Variants in LPP observed in about 807,000 individuals in gnomAD.
LPP encodes the protein lipoma-preferred partner.
Under a neutral mutation model 60.4 loss-of-function variants are expected in LPP, and 38 were observed. The ratio of observed to expected loss-of-function variants is 0.63; its 90% CI spans 0.49 to 0.83. LPP has a LOEUF of 0.83. LPP is among the 40% of genes least tolerant of loss of function. The pLI is 0.00. For synonymous variants in LPP, 328 were observed against 290.8 expected (o/e 1.13, Z -1.30); for missense variants, 902 against 783.6 (o/e 1.15, Z -1.80).
chr3:188,730,406 A>G (rs2150024536), intron 8 of LPP, among the ~76,000 whole-genome samples: 1 of 152,296 alleles, frequency 6.6e-6, no homozygotes, highest in Middle Eastern at 3.4e-3. Flanking sequence ...TCCTTTTTGT[A>G]CCACGTATTT....
intron 2 of LPP, among the ~76,000 whole-genome samples, chr3:188,250,806 TTCTC>T (rs373261792): frequency 7.2e-6 from 1 of 138,356 alleles, no homozygotes; most frequent in Non-Finnish European, 1.6e-5. Context: ...CTTTCTTTCT[TTCTC>T]TTTCTTTCTT....
At chr3:188,637,111 A>G (rs935057619) in intron 7 of LPP, among the ~76,000 whole-genome samples, 2 of 150,858 alleles carry the variant, frequency 1.3e-5, no homozygotes, top group Non-Finnish European at 2.9e-5. Flanking sequence ...ACATACTTGG[A>G]AGTAAAGTTC....
chr3:188,401,476 A>G (rs1782231379), intron 3 of LPP, among the ~76,000 whole-genome samples: 1 of 152,142 alleles, frequency 6.6e-6, no homozygotes. Context: ...ACCTCTGCCA[A>G]GCTTATGCTA....
intron 3 of LPP, among the ~76,000 whole-genome samples, chr3:188,375,229 G>A (rs1219774830): frequency 1.4e-5 from 2 of 146,648 alleles, no homozygotes; most frequent in Non-Finnish European, 3.1e-5. Flanking sequence ...CATAAAATGA[G>A]TTAGGGAGGA....
At chr3:188,383,843 A>T (rs1777510594) in intron 3 of LPP, among the ~76,000 whole-genome samples, 1 of 152,200 alleles carries the variant, frequency 6.6e-6, no homozygotes, top group Non-Finnish European at 1.5e-5. Flanking sequence ...CTAGATTTAT[A>T]CTTAAGACAG....
chr3:188,512,413 G>A (rs564710677), intron 5 of LPP, among the ~76,000 whole-genome samples: 6 of 152,164 alleles, frequency 3.9e-5, no homozygotes, highest in Non-Finnish European at 5.9e-5. Context: ...TTAGCCAGGC[G>A]TGTTGGCACG....
Position 188,591,140 on chromosome 3 carries a change from T to C in LPP, c.430-18021T>C, listed in dbSNP as rs975816013. Among the ~76,000 whole-genome samples the C allele has an allele frequency of 2.6e-5, 4 of 152,226 alleles. No homozygotes were observed. The East Asian group carries it at 7.7e-4, about 29-fold the overall frequency. On this transcript the variant is annotated intron_variant, in intron 6 of 11. Transcript: ENST00000617246. ...AATTTTGGTCTGAGGAAAAATTATT[T>C]AGGTCACTTGGACACTTATGTTGTG... is the stretch of plus-strand genomic sequence containing the variant.
At chr3:188,455,346 G>T (rs191999009) in intron 4 of LPP, among the ~76,000 whole-genome samples, 9 of 152,260 alleles carry the variant, frequency 5.9e-5, no homozygotes, top group African/African-American at 1.9e-4. Flanking sequence ...TTATTAAAAG[G>T]TTCATGTAAA....
At chr3:188,679,100 G>C (rs1858822327) in intron 7 of LPP, among the ~76,000 whole-genome samples, 1 of 152,164 alleles carries the variant, frequency 6.6e-6, no homozygotes, top group Non-Finnish European at 1.5e-5. Flanking sequence ...AGCAGTGCTG[G>C]GCAGAGGAAG....
Position 188,183,037 on chromosome 3 carries a change from A to G in LPP, c.-190+28785A>G, listed in dbSNP as rs557057006. Among the ~76,000 whole-genome samples, 36 of 152,312 alleles carry G rather than the reference A, an allele frequency of 2.4e-4. 1 individual carries two copies. In the South Asian group the frequency reaches 7.5e-3, roughly 32 times the overall value. ...AGGTCAATGAGCATCCCAAGGTCAC[A>G]TAAATTTAATAGCAAGGCCAGACCT... On this transcript the variant is annotated intron_variant, in intron 1 of 11. Coordinates refer to ENST00000617246, the MANE Select transcript of LPP (RefSeq NM_001375462.1).
chr3:188,574,420 G>A (rs1428003260), intron 6 of LPP, among the ~76,000 whole-genome samples: 2 of 152,086 alleles, frequency 1.3e-5, no homozygotes, highest in Admixed American at 6.5e-5. Flanking sequence ...ACAAATATAG[G>A]CATTAATTTA....
At chr3:188,787,439 C>T (rs1280078022) in intron 9 of LPP, among the ~76,000 whole-genome samples, 1 of 152,142 alleles carries the variant, frequency 6.6e-6, no homozygotes, top group East Asian at 1.9e-4. Flanking sequence ...CACGCACACA[C>T]ACACATACAT....
intron 6 of LPP, among the ~76,000 whole-genome samples, chr3:188,577,790 C>T (rs1343025861): frequency 1.2e-4 from 14 of 117,884 alleles, no homozygotes; most frequent in Admixed American, 4.3e-4. Flanking sequence ...CTGTCCTTCC[C>T]TTCCCTCCCT....
rs61312510 is a variant in LPP, at chr3:188,294,056, C to CAA, written c.-66-47581_-66-47580dup. Reference sequence around the variant, plus strand: ...CCTGGGTGACAGAGCCAAACTCTGTCAAAAAAAAAAAAAAAAAAAAAAAAA... The same window carrying CAA: ...CCTGGGTGACAGAGCCAAACTCTGTCAAAAAAAAAAAAAAAAAAAAAAAAAAA... On this transcript the variant is annotated intron_variant, in intron 2 of 11. Transcript: ENST00000617246. Among the ~76,000 whole-genome samples, 230 of 39,414 alleles carry CAA rather than the reference C, an allele frequency of 5.8e-3. 19 individuals are homozygous for CAA. The highest frequency in any genetic ancestry group is 0.01 in the East Asian group (12 of 1,172). 25.9% of individuals were successfully genotyped at this position (39,414 alleles called of 152,430 possible).
intron 9 of LPP, among the ~76,000 whole-genome samples, chr3:188,819,981 A>T (rs1468741947): frequency 6.6e-6 from 1 of 152,188 alleles, no homozygotes; most frequent in Non-Finnish European, 1.5e-5. Flanking sequence ...TTTGCACTCT[A>T]ACTTGAAGTA....
At chr3:188,776,995 A>G (rs757538254) in intron 9 of LPP, among the ~76,000 whole-genome samples, 3 of 152,210 alleles carry the variant, frequency 2.0e-5, no homozygotes, top group Non-Finnish European at 4.4e-5. Context: ...CTGAGTTACC[A>G]TTAGATGGTA....
At chr3:188,820,868 C>T (rs748412490) in intron 9 of LPP, among the ~76,000 whole-genome samples, 9 of 151,998 alleles carry the variant, frequency 5.9e-5, no homozygotes, top group African/African-American at 1.9e-4. Flanking sequence ...AGTTAGTATA[C>T]GAAACTTGTA....
chr3:188,794,477 A>T (rs1337280767), intron 9 of LPP, among the ~76,000 whole-genome samples: 1 of 152,098 alleles, frequency 6.6e-6, no homozygotes, highest in Non-Finnish European at 1.5e-5. Flanking sequence ...CCTCTGTCTT[A>T]CTCCCAATTT....
chr3:188,261,711 C>T (rs1733694085), intron 2 of LPP, among the ~76,000 whole-genome samples: 1 of 150,372 alleles, frequency 6.7e-6, no homozygotes, highest in East Asian at 2.0e-4. Flanking sequence ...GGTTTGAGAC[C>T]AGCCTGGGCA....
Sources: allele counts gnomAD v4.1 joint callset (sites outside exome capture counted in the v4.1 genomes callset), GRCh38; gene constraint gnomAD v4.1.1; transcripts MANE v1.5; gene names NCBI Gene and HGNC (gene_info 2026-07-23, HGNC 2026-07-21).